Variants in FBXL13 observed in about 807,000 individuals in gnomAD.
FBXL13 encodes F-box and leucine rich repeat protein 13, also known as F-box and leucine-rich repeat protein 13.
FBXL13 carries 67 observed loss-of-function variants against 83.6 expected under a neutral mutation model. The ratio of observed to expected loss-of-function variants is 0.80; its 90% CI spans 0.66 to 0.98. The LOEUF is 0.98. FBXL13 is among the 50% of genes least tolerant of loss of function. The probability of loss-of-function intolerance (pLI) is 0.00; values close to 1 mark genes in which losing one functional copy is unlikely to be tolerated. For missense variants in FBXL13, 822 were observed against 866.5 expected (o/e 0.95, Z 0.64); for synonymous variants, 272 against 299.5 (o/e 0.91, Z 0.95).
chr7:103,008,970 C>T (rs1791287102), intron 6 of FBXL13, among the ~76,000 whole-genome samples: 1 of 152,024 alleles, frequency 6.6e-6, no homozygotes, highest in Non-Finnish European at 1.5e-5. Context: ...TAAAAGCATA[C>T]TCTTGTTAGG....
intron 11 of FBXL13, among the ~76,000 whole-genome samples, chr7:102,890,088 T>C (rs1446850198): frequency 6.6e-6 from 1 of 152,168 alleles, no homozygotes; most frequent in Non-Finnish European, 1.5e-5. Context: ...TACATTAGAA[T>C]ATCCAAAAAG....
chr7:102,959,658 T>G (rs1824865585), intron 8 of FBXL13, among the ~76,000 whole-genome samples: 1 of 152,062 alleles, frequency 6.6e-6, no homozygotes, highest in African/African-American at 2.4e-5. Flanking sequence ...TGAAATATAT[T>G]GTTTATTTCA....
chr7:102,827,235 G>A (rs1250932996), intron 18 of FBXL13: 2 of 432,302 alleles, frequency 4.6e-6, no homozygotes, highest in South Asian at 1.6e-5. Flanking sequence ...CATGAAGCAG[G>A]AGGAAGCTGT....
intron 11 of FBXL13, 123 bp downstream of exon 12, chr7:102,912,963 A>T: frequency 7.7e-7 from 1 of 1,300,534 alleles, no homozygotes; most frequent in Non-Finnish European, 1.0e-6. Flanking sequence ...CATGTAATTT[A>T]AAACCTCTGA....
intron 6 of FBXL13, among the ~76,000 whole-genome samples, chr7:103,014,890 C>T: frequency 7.1e-6 from 1 of 140,844 alleles, no homozygotes; most frequent in East Asian, 2.1e-4. Flanking sequence ...CGCCACTGCA[C>T]TCCAGCCTGG....
intron 16 of FBXL13, among the ~76,000 whole-genome samples, chr7:102,867,354 T>C (rs1009997266): frequency 6.6e-6 from 1 of 150,964 alleles, no homozygotes; most frequent in Non-Finnish European, 1.5e-5. Flanking sequence ...AAAGACTCTG[T>C]ATCCAAAAAA....
At chr7:102,848,685 A>T (rs1804616417) in intron 17 of FBXL13, among the ~76,000 whole-genome samples, 1 of 151,662 alleles carries the variant, frequency 6.6e-6, no homozygotes, top group Non-Finnish European at 1.5e-5. Flanking sequence ...AATGCAAACC[A>T]GATTAAGAGT....
intron 11 of FBXL13, among the ~76,000 whole-genome samples, chr7:102,898,158 C>T (rs999049689): frequency 1.3e-5 from 2 of 151,992 alleles, no homozygotes; most frequent in African/African-American, 4.8e-5. Context: ...CCCAGCCACT[C>T]GACTCCTATA....
At chr7:102,939,200 GA>G (rs1820913275) in intron 8 of FBXL13, among the ~76,000 whole-genome samples, 1 of 152,194 alleles carries the variant, frequency 6.6e-6, no homozygotes, top group South Asian at 2.1e-4. Context: ...GGGCCTTAGT[GA>G]GGACTCTGGC....
chr7:102,913,977 T>C (rs1049268539), intron 10 of FBXL13, among the ~76,000 whole-genome samples: 1 of 152,154 alleles, frequency 6.6e-6, no homozygotes. Context: ...CAGAAAAAAG[T>C]AGGGTAGTTA....
At chr7:102,939,958 G>A (rs1490442992) in intron 8 of FBXL13, among the ~76,000 whole-genome samples, 1 of 150,848 alleles carries the variant, frequency 6.6e-6, no homozygotes, top group Non-Finnish European at 1.5e-5. Flanking sequence ...GCAATGGTGT[G>A]ATCTCGGCTC....
At chr7:103,035,403 T>A (rs569267371) in intron 2 of FBXL13, among the ~76,000 whole-genome samples, 1 of 152,328 alleles carries the variant, frequency 6.6e-6, no homozygotes, top group African/African-American at 2.4e-5. Flanking sequence ...TCTGGGATAT[T>A]CCTATTAACA....
intron 8 of FBXL13, among the ~76,000 whole-genome samples, chr7:102,940,354 C>T (rs946764909): frequency 2.6e-5 from 4 of 151,896 alleles, no homozygotes; most frequent in Non-Finnish European, 4.4e-5. Flanking sequence ...GAACTACAGG[C>T]ACCCGCCACC....
intron 6 of FBXL13, among the ~76,000 whole-genome samples, chr7:102,984,037 G>A (rs1302027038): frequency 6.6e-6 from 1 of 152,152 alleles, no homozygotes; most frequent in Non-Finnish European, 1.5e-5. Context: ...ATGTTTGAGA[G>A]TATCATATGC....
chr7:103,016,235 G>C (rs1792293713), intron 6 of FBXL13, among the ~76,000 whole-genome samples: 1 of 142,444 alleles, frequency 7.0e-6, no homozygotes, highest in Admixed American at 7.7e-5. Context: ...CAATGCTGGA[G>C]ACATCACATT....
At chr7:102,966,419 T>C (rs150297147) in intron 7 of FBXL13, among the ~76,000 whole-genome samples, 1 of 152,308 alleles carries the variant, frequency 6.6e-6, no homozygotes, top group African/African-American at 2.4e-5. Flanking sequence ...CTCTAAATTA[T>C]GTTACAGATA....
chr7:103,007,209 C>T (rs1791079598), intron 6 of FBXL13, among the ~76,000 whole-genome samples: 1 of 151,832 alleles, frequency 6.6e-6, no homozygotes, highest in South Asian at 2.1e-4. Flanking sequence ...TCTAAATTTG[C>T]TAAAAATATA....
At chr7:102,930,823 A>C (rs1296743215) in intron 9 of FBXL13, among the ~76,000 whole-genome samples, 2 of 152,224 alleles carry the variant, frequency 1.3e-5, no homozygotes, top group African/African-American at 2.4e-5. Context: ...TGTCAACCCA[A>C]GATGGAATCT....
At chr7:102,973,999 G>T (rs1459398522) in intron 6 of FBXL13, among the ~76,000 whole-genome samples, 1 of 152,110 alleles carries the variant, frequency 6.6e-6, no homozygotes, top group Non-Finnish European at 1.5e-5. Context: ...CATCCAGGAT[G>T]GTCTCCTTTT....
Sources: gnomAD v4.1 joint callset for allele counts (sites outside exome capture counted in the v4.1 genomes callset) on GRCh38, gnomAD v4.1.1 for gene constraint, MANE v1.5 for transcripts, NCBI Gene and HGNC (gene_info 2026-07-23, HGNC 2026-07-21) for gene names.